Variants in FARS2 observed in about 807,000 individuals in gnomAD.
The protein encoded by FARS2 is phenylalanine--tRNA ligase, mitochondrial.
A neutral mutation model predicts 46.4 loss-of-function variants in FARS2; 40 were observed. The ratio of observed to expected loss-of-function variants is 0.86; its 90% CI spans 0.67 to 1.12. The LOEUF (loss-of-function observed/expected upper bound fraction) is 1.12. Ranked by LOEUF, FARS2 falls within the 50% of genes most tolerant of loss-of-function variation. The pLI, the probability that FARS2 is intolerant of heterozygous loss-of-function variation, is 0.00. For missense variants in FARS2, 513 were observed against 567.9 expected (o/e 0.90, Z 0.98); for synonymous variants, 234 against 214.9 (o/e 1.09, Z -0.78).
intron 3 of FARS2, among the ~76,000 whole-genome samples, chr6:5,421,305 T>G (rs1464356050): frequency 6.6e-6 from 1 of 152,204 alleles, no homozygotes; most frequent in Non-Finnish European, 1.5e-5. Flanking sequence ...GCACACAGCA[T>G]GGGGACCCTG....
chr6:5,408,861 G>C (rs1454837996), intron 3 of FARS2, among the ~76,000 whole-genome samples: 1 of 152,128 alleles, frequency 6.6e-6, no homozygotes, highest in African/African-American at 2.4e-5. Flanking sequence ...TGGCACCGTA[G>C]CCTTATTGGT....
the FARS2 span, among the ~76,000 whole-genome samples, chr6:5,254,267 G>A: frequency 1.3e-5 from 2 of 152,120 alleles, no homozygotes; most frequent in African/African-American, 2.4e-5. Flanking sequence ...CTGACTTCTC[G>A]CTAACCAACT....
chr6:5,347,213 C>T (rs1403433897), intron 1 of FARS2, among the ~76,000 whole-genome samples: 1 of 152,076 alleles, frequency 6.6e-6, no homozygotes, highest in Non-Finnish European at 1.5e-5. Context: ...TGTGCCTGGC[C>T]CATTCATTAA....
chr6:5,554,636 CTG>C (rs1201081817), intron 5 of FARS2, among the ~76,000 whole-genome samples: 1 of 152,206 alleles, frequency 6.6e-6, no homozygotes, highest in Non-Finnish European at 1.5e-5. Context: ...TTGTTGAATG[CTG>C]TGTGTAAGCC....
At chr6:5,308,645 G>T (rs998586894) in intron 1 of FARS2, among the ~76,000 whole-genome samples, 1 of 152,162 alleles carries the variant, frequency 6.6e-6, no homozygotes, top group Non-Finnish European at 1.5e-5. Context: ...TCATGCGCTG[G>T]TATCAGGTGG....
intron 4 of FARS2, among the ~76,000 whole-genome samples, chr6:5,487,138 AG>A (rs2150353514): frequency 6.6e-6 from 1 of 152,338 alleles, no homozygotes; most frequent in Non-Finnish European, 1.5e-5. Flanking sequence ...TATACAGAGA[AG>A]GTTTTTCATT....
At position 5,369,988 on chromosome 6, in the gene FARS2, T is replaced by C. The variant is rs116667539; in HGVS notation, c.612+806T>C. The stretch of plus-strand genomic sequence containing the variant: ...ATGTTTTAAAAACCATCTCTGTTTT[T>C]ATATAAGAAACAAATGCGTTAAACT... On this transcript the variant is annotated intron_variant, in intron 2 of 6. Transcript: ENST00000274680. 2.8e-3 allele frequency among the ~76,000 whole-genome samples: 433 copies of C among 152,300 alleles called. 2 individuals carry two copies. The highest frequency in any genetic ancestry group is 1.0e-2 in the African/African-American group (414 of 41,570).
At chr6:5,454,749 T>G (rs548671180) in intron 4 of FARS2, among the ~76,000 whole-genome samples, 2 of 152,220 alleles carry the variant, frequency 1.3e-5, no homozygotes, top group South Asian at 4.1e-4. Flanking sequence ...AAATCTGTAG[T>G]GAATGTGTCC....
intron 5 of FARS2, chr6:5,610,201 C>G: frequency 1.5e-6 from 1 of 654,514 alleles, no homozygotes; most frequent in Non-Finnish European, 2.7e-6. Context: ...TTAGACAGGA[C>G]GGCAGGGAGA....
At chr6:5,722,037 C>T (rs1385677735) in intron 6 of FARS2, among the ~76,000 whole-genome samples, 1 of 152,114 alleles carries the variant, frequency 6.6e-6, no homozygotes, top group African/African-American at 2.4e-5. Flanking sequence ...TTTTTAAGGA[C>T]GTTTTAAATA....
intron 6 of FARS2, among the ~76,000 whole-genome samples, chr6:5,676,601 G>T (rs1463786616): frequency 3.3e-5 from 5 of 152,194 alleles, no homozygotes; most frequent in Admixed American, 6.5e-5. Flanking sequence ...TATATTCAAT[G>T]ATTGCAAATA....
At chr6:5,317,385 A>G (rs6907498) in intron 1 of FARS2, among the ~76,000 whole-genome samples, 27,985 of 152,190 alleles carry the variant, frequency 0.18, 3,069 homozygotes, top group East Asian at 0.49. Flanking sequence ...ATTTAAAGTC[A>G]CTAATATTAA....
chr6:5,566,599 A>C (rs1253926786), intron 5 of FARS2, among the ~76,000 whole-genome samples: 1 of 152,220 alleles, frequency 6.6e-6, no homozygotes, highest in Non-Finnish European at 1.5e-5. Flanking sequence ...GTAAGACACA[A>C]AATGGAGAAA....
At chr6:5,373,604 T>C (rs1028473762) in intron 2 of FARS2, among the ~76,000 whole-genome samples, 1 of 152,156 alleles carries the variant, frequency 6.6e-6, no homozygotes, top group African/African-American at 2.4e-5. Context: ...GTTTATGCCA[T>C]TGTATTCAAG....
At chr6:5,517,663 G>A (rs986110593) in intron 4 of FARS2, among the ~76,000 whole-genome samples, 2 of 151,416 alleles carry the variant, frequency 1.3e-5, no homozygotes, top group African/African-American at 2.4e-5. Context: ...CACACATACT[G>A]GGTTTCAAAG....
chr6:5,467,267 G>C, intron 4 of FARS2: 2 of 189,598 alleles, frequency 1.1e-5, no homozygotes, highest in Non-Finnish European at 2.0e-5. Context: ...TCCTTAAATG[G>C]GCATTTTAAG....
intron 2 of FARS2, among the ~76,000 whole-genome samples, chr6:5,399,131 TTATTA>T (rs1562011730): frequency 2.9e-3 from 50 of 17,508 alleles, no homozygotes; most frequent in Middle Eastern, 0.033. Context: ...TATTATTTTA[TTATTA>T]TTATTATTAT....
chr6:5,703,058 C>A (rs115241245), intron 6 of FARS2, among the ~76,000 whole-genome samples: 199 of 152,318 alleles, frequency 1.3e-3, no homozygotes, highest in Admixed American at 5.6e-3. Context: ...TTTTCAAGCT[C>A]AAAAACTTCC....
chr6:5,690,124 A>G lies in FARS2; in HGVS notation c.1217+76804A>G, dbSNP rs1757582771. Among the ~76,000 whole-genome samples, 4 of 152,182 alleles carry G rather than the reference A, an allele frequency of 2.6e-5. 1 individual carries two copies. Among genetic ancestry groups the G allele is most frequent in the Admixed American group, 2.6e-4 (4 of 15,280 alleles). ...CGTGAGATGGTTTCCTGAATACAGC[A>G]CACTGATGGGTCTTGACTTTTTATC... On this transcript the variant is annotated intron_variant, in intron 6 of 6. Coordinates refer to ENST00000274680, the MANE Select transcript of FARS2 (RefSeq NM_006567.5).
Sources: gnomAD v4.1 joint callset for allele counts (sites outside exome capture counted in the v4.1 genomes callset) on GRCh38, gnomAD v4.1.1 for gene constraint, MANE v1.5 for transcripts, NCBI Gene and HGNC (gene_info 2026-07-23, HGNC 2026-07-21) for gene names.